The following PTPRZ1 variants were observed in gnomAD, a reference collection of about 807,000 sequenced individuals.
PTPRZ1 encodes protein tyrosine phosphatase receptor type Z1.
Under a neutral mutation model 214.1 loss-of-function variants are expected in PTPRZ1, and 82 were observed. The ratio of observed to expected loss-of-function variants is 0.38; its 90% CI spans 0.32 to 0.46. The LOEUF (loss-of-function observed/expected upper bound fraction) is 0.46. Ranked by LOEUF, PTPRZ1 falls within the 20% of genes least tolerant of loss-of-function variation. The pLI, the probability that PTPRZ1 is intolerant of heterozygous loss-of-function variation, is 1.00. For synonymous variants in PTPRZ1, 945 were observed against 987.9 expected, an observed-to-expected ratio of 0.96 and a Z score of 0.81; for missense variants, 2,603 against 2,748.7, an observed-to-expected ratio of 0.95 and a Z score of 1.19.
chr7:121,911,237 C>A (rs17143901), intron 1 of PTPRZ1, among the ~76,000 whole-genome samples: 8,518 of 152,120 alleles, frequency 0.056, 578 homozygotes, highest in African/African-American at 0.16. Context: ...AAACCAATTT[C>A]ACTAACATTT....
intron 28 of PTPRZ1, 193 bp from the exon 29 acceptor site, chr7:122,059,560 T>C (rs1056773778): frequency 1.7e-5 from 10 of 596,592 alleles, no homozygotes; most frequent in African/African-American, 7.4e-5. Context: ...TATTCCACTA[T>C]TGATATCATG....
chr7:122,013,624 T>C lies in PTPRZ1; in HGVS notation c.4578T>C (p.Thr1526=), dbSNP rs1798751727. The change falls in exon 12 of 30, where the codon ACT becomes ACC. Residue 1526 remains threonine, a synonymous_variant. Coordinates refer to ENST00000393386, the MANE Select transcript of PTPRZ1 (RefSeq NM_002851.3). ...NDGKEENDIQ[T]GSALLPLSPE... ...GAAAAGAGGAAAATGACATTCAGACTGGTAGTGCTCTGCTTCCTCTCAGCC... is the reference window on the plus strand; with the variant it reads ...GAAAAGAGGAAAATGACATTCAGACCGGTAGTGCTCTGCTTCCTCTCAGCC... 1 of 1,614,206 alleles carries C rather than the reference T, an allele frequency of 6.2e-7. No individual in the cohort carries two copies. The highest frequency in any genetic ancestry group is 1.1e-5 in the South Asian group (1 of 91,084).
chr7:121,906,342 T>C (rs1795114945), intron 1 of PTPRZ1, among the ~76,000 whole-genome samples: 1 of 152,172 alleles, frequency 6.6e-6, no homozygotes, highest in Admixed American at 6.6e-5. Flanking sequence ...TTGCTCACTC[T>C]CTGATATACA....
intron 25 of PTPRZ1, among the ~76,000 whole-genome samples, chr7:122,053,181 G>GC (rs1163278803): frequency 1.3e-5 from 2 of 152,128 alleles, no homozygotes; most frequent in Non-Finnish European, 2.9e-5. Flanking sequence ...ATGGACCAAT[G>GC]CCCCCACTGA....
chr7:121,902,292 A>C (rs1053755803), intron 1 of PTPRZ1, among the ~76,000 whole-genome samples: 24 of 152,210 alleles, frequency 1.6e-4, no homozygotes, highest in Admixed American at 4.6e-4. Flanking sequence ...GCAACTGTGA[A>C]TAGTGCTGCA....
chr7:121,917,261 C>T (rs1795454444), intron 1 of PTPRZ1, among the ~76,000 whole-genome samples: 1 of 152,100 alleles, frequency 6.6e-6, no homozygotes, highest in Non-Finnish European at 1.5e-5. Flanking sequence ...TAGCTAGGTG[C>T]TCGTTAACAA....
chr7:122,033,347 T>G (rs1459937378), intron 15 of PTPRZ1, among the ~76,000 whole-genome samples: 1 of 151,750 alleles, frequency 6.6e-6, no homozygotes, highest in Non-Finnish European at 1.5e-5. Flanking sequence ...GATTTTTATT[T>G]TGGTTATCTA....
chr7:122,050,695 G>C (rs1792153164), intron 23 of PTPRZ1, among the ~76,000 whole-genome samples: 2 of 151,996 alleles, frequency 1.3e-5, no homozygotes, highest in Non-Finnish European at 2.9e-5. Context: ...AAATTAATAA[G>C]TGGAAATGAA....
intron 15 of PTPRZ1, among the ~76,000 whole-genome samples, chr7:122,032,935 G>C (rs1018227367): frequency 6.6e-6 from 1 of 151,964 alleles, no homozygotes; most frequent in Non-Finnish European, 1.5e-5. Context: ...TTAACTCAAT[G>C]TTAATTTTAG....
intron 3 of PTPRZ1, among the ~76,000 whole-genome samples, chr7:121,970,183 T>A (rs1221397950): frequency 1.3e-5 from 2 of 152,188 alleles, no homozygotes; most frequent in Admixed American, 1.3e-4. Flanking sequence ...TGCCACATTT[T>A]CTTAATCCAG....
chr7:121,900,597 A>C (rs894691254), intron 1 of PTPRZ1, among the ~76,000 whole-genome samples: 6 of 152,210 alleles, frequency 3.9e-5, no homozygotes, highest in Admixed American at 6.5e-5. Flanking sequence ...ACCCACCAAC[A>C]AACAGCTTTG....
intron 11 of PTPRZ1, among the ~76,000 whole-genome samples, chr7:122,006,446 C>G (rs1048616263): frequency 3.9e-5 from 6 of 152,104 alleles, no homozygotes; most frequent in Non-Finnish European, 7.4e-5. Context: ...CACTCTACTT[C>G]TATTAGATCA....
chr7:122,026,445 T>A (rs1799208839), intron 13 of PTPRZ1, among the ~76,000 whole-genome samples: 2 of 152,222 alleles, frequency 1.3e-5, no homozygotes, highest in South Asian at 4.1e-4. Context: ...TATCAATATG[T>A]CAGAATATGC....
chr7:121,934,202 C>A (rs1165404839), intron 2 of PTPRZ1, among the ~76,000 whole-genome samples: 1 of 152,030 alleles, frequency 6.6e-6, no homozygotes, highest in African/African-American at 2.4e-5. Context: ...AAAATATTTT[C>A]AACTTAACGT....
chr7:121,987,185 C>T (rs1013326957), intron 8 of PTPRZ1, among the ~76,000 whole-genome samples: 3 of 152,150 alleles, frequency 2.0e-5, no homozygotes, highest in Admixed American at 6.6e-5. Context: ...TGCAGTCTCC[C>T]TTGCTGGGCC....
At chr7:121,951,863 T>G (rs1216496502) in intron 2 of PTPRZ1, among the ~76,000 whole-genome samples, 1 of 152,208 alleles carries the variant, frequency 6.6e-6, no homozygotes, top group Non-Finnish European at 1.5e-5. Context: ...TACTTAAATA[T>G]ACTGTTACTG....
At chr7:121,999,701 T>C (rs937311948) in intron 10 of PTPRZ1, among the ~76,000 whole-genome samples, 1 of 152,176 alleles carries the variant, frequency 6.6e-6, no homozygotes, top group Non-Finnish European at 1.5e-5. Context: ...GCCAAAGCTT[T>C]AAACTTTCTG....
At chr7:122,040,498 G>T (rs750907845) in intron 20 of PTPRZ1, among the ~76,000 whole-genome samples, 8 of 152,044 alleles carry the variant, frequency 5.3e-5, no homozygotes, top group Admixed American at 1.3e-4. Flanking sequence ...CCACATTATG[G>T]ACTATGATTT....
chr7:122,003,023 C>T (rs954801232), intron 10 of PTPRZ1, among the ~76,000 whole-genome samples: 1 of 151,450 alleles, frequency 6.6e-6, no homozygotes, highest in Non-Finnish European at 1.5e-5. Context: ...GGTCATTTGT[C>T]TGTCACAGTT....
Sources: allele counts gnomAD v4.1 joint callset (sites outside exome capture counted in the v4.1 genomes callset), GRCh38; gene constraint gnomAD v4.1.1; transcripts MANE v1.5; gene names NCBI Gene and HGNC (gene_info 2026-07-23, HGNC 2026-07-21).